The following SCFD2 variants were observed in gnomAD, a reference collection of about 807,000 sequenced individuals.
SCFD2 encodes the protein sec1 family domain containing 2.
SCFD2 carries 54 observed loss-of-function variants against 58.9 expected under a neutral mutation model. The ratio of observed to expected loss-of-function variants is 0.92; its 90% CI spans 0.74 to 1.15. The LOEUF (loss-of-function observed/expected upper bound fraction) is 1.15, where lower values mean the gene tolerates loss of function less well. Among genes scored for constraint, SCFD2 ranks in the 50% most tolerant of loss-of-function variants. The pLI is 0.00. For missense variants in SCFD2, 805 were observed against 836.6 expected (o/e 0.96, Z 0.47); for synonymous variants, 321 against 335.9 (o/e 0.96, Z 0.49).
At chr4:53,126,175 C>G (rs1481864002) in intron 5 of SCFD2, among the ~76,000 whole-genome samples, 1 of 152,182 alleles carries the variant, frequency 6.6e-6, no homozygotes, top group African/African-American at 2.4e-5. Context: ...ACACACCTTG[C>G]CTACTCTACT....
chr4:53,289,816 A>G (rs953564076), intron 3 of SCFD2, among the ~76,000 whole-genome samples: 6 of 152,282 alleles, frequency 3.9e-5, no homozygotes, highest in African/African-American at 1.2e-4. Flanking sequence ...TAACAACAAC[A>G]ACAAAAAAAG....
chr4:53,255,094 A>G (rs1243397385), intron 4 of SCFD2, among the ~76,000 whole-genome samples: 1 of 150,714 alleles, frequency 6.6e-6, no homozygotes, highest in Non-Finnish European at 1.5e-5. Flanking sequence ...GTTGGTCTCA[A>G]TCTCCTGATC....
chr4:53,028,307 G>A (rs1279858636), intron 5 of SCFD2, among the ~76,000 whole-genome samples: 1 of 152,006 alleles, frequency 6.6e-6, no homozygotes, highest in Non-Finnish European at 1.5e-5. Flanking sequence ...AATGCTTAAA[G>A]TTTTATTCTT....
At position 53,257,993 on chromosome 4, in the gene SCFD2, A is replaced by T. The variant is rs565921565; in HGVS notation, c.1311+15833T>A. Among the ~76,000 whole-genome samples, 7 of 152,218 alleles carry T rather than the reference A, an allele frequency of 4.6e-5. No individual in the cohort carries two copies. In the East Asian group the frequency reaches 1.4e-3, roughly 29 times the overall value. On this transcript the variant is annotated intron_variant, in intron 4 of 8. Transcript: ENST00000401642. Reference sequence around the variant, plus strand: ...TTGGCTGCAAGAGAAACTTAATAAGATTTAGGAAGTAGAAGGAAGGCTGAG... The same window carrying T: ...TTGGCTGCAAGAGAAACTTAATAAGTTTTAGGAAGTAGAAGGAAGGCTGAG...
chr4:52,962,196 C>T (rs1358984983), intron 5 of SCFD2, among the ~76,000 whole-genome samples: 1 of 152,164 alleles, frequency 6.6e-6, no homozygotes, highest in African/African-American at 2.4e-5. Context: ...GAGGTCCCAG[C>T]CAATTCTATG....
At chr4:53,234,336 G>C (rs1729529859) in intron 4 of SCFD2, among the ~76,000 whole-genome samples, 1 of 152,206 alleles carries the variant, frequency 6.6e-6, no homozygotes, top group South Asian at 2.1e-4. Flanking sequence ...CAAAGAACTT[G>C]AGGGAGGAGC....
At position 53,255,959 on chromosome 4, in the gene SCFD2, G is replaced by A. The variant is rs538377827; in HGVS notation, c.1311+17867C>T. On this transcript the variant is annotated intron_variant, in intron 4 of 8. Coordinates refer to ENST00000401642, the MANE Select transcript of SCFD2 (RefSeq NM_152540.4). ...CACCTCCCGGATGGGGTGGCTGGCC[G>A]GGTGGGGGGCTGACCCCCCCACCTC... is the stretch of plus-strand genomic sequence containing the variant. Among the ~76,000 whole-genome samples the A allele has an allele frequency of 2.0e-3, 299 of 149,080 alleles. 1 individual carries two copies. The highest frequency in any genetic ancestry group is 6.5e-3 in the African/African-American group (264 of 40,734).
At chr4:52,969,391 T>C (rs1030448759) in intron 5 of SCFD2, among the ~76,000 whole-genome samples, 1 of 152,172 alleles carries the variant, frequency 6.6e-6, no homozygotes, top group Non-Finnish European at 1.5e-5. Flanking sequence ...CAAATATCCA[T>C]TGGTAGGAAA....
intron 5 of SCFD2, among the ~76,000 whole-genome samples, chr4:52,978,307 T>C (rs1560500052): frequency 6.6e-6 from 1 of 152,204 alleles, no homozygotes; most frequent in South Asian, 2.1e-4. Flanking sequence ...TTCTGCAGGA[T>C]GCTGGCCCTG....
chr4:53,215,906 G>T (rs1290557791), intron 4 of SCFD2, among the ~76,000 whole-genome samples: 3 of 152,140 alleles, frequency 2.0e-5, no homozygotes, highest in African/African-American at 7.2e-5. Flanking sequence ...AGATAATCAT[G>T]TGGTTTTTGT....
chr4:53,154,151 C>T (rs1429797747), intron 4 of SCFD2, among the ~76,000 whole-genome samples: 2 of 152,162 alleles, frequency 1.3e-5, no homozygotes, highest in Admixed American at 6.5e-5. Context: ...TACCCCATTC[C>T]TCGTACCGAT....
At chr4:53,007,062 C>T (rs1721984479) in intron 5 of SCFD2, among the ~76,000 whole-genome samples, 1 of 151,906 alleles carries the variant, frequency 6.6e-6, no homozygotes, top group African/African-American at 2.4e-5. Context: ...GGGAGGACTG[C>T]CTGAGGTCTG....
At chr4:53,245,306 G>C (rs1273949168) in intron 4 of SCFD2, among the ~76,000 whole-genome samples, 1 of 152,102 alleles carries the variant, frequency 6.6e-6, no homozygotes, top group East Asian at 1.9e-4. Flanking sequence ...ATCAAAAAAA[G>C]GGGAAAACTT....
chr4:53,064,142 G>C (rs62338967), intron 5 of SCFD2, among the ~76,000 whole-genome samples: 25,301 of 151,548 alleles, frequency 0.17, 2,552 homozygotes, highest in Middle Eastern at 0.26. Context: ...TTTTATTTTA[G>C]ATTCAAAGGG....
intron 4 of SCFD2, among the ~76,000 whole-genome samples, chr4:53,155,411 G>A (rs1247345396): frequency 6.6e-6 from 1 of 152,092 alleles, no homozygotes; most frequent in African/African-American, 2.4e-5. Context: ...GCAGCAAAAA[G>A]GCCTCACCAA....
At chr4:53,298,574 G>C (rs949173007) in intron 3 of SCFD2, among the ~76,000 whole-genome samples, 1 of 152,186 alleles carries the variant, frequency 6.6e-6, no homozygotes, top group Admixed American at 6.5e-5. Flanking sequence ...ACATGTCCCT[G>C]TCTGACAGCT....
intron 4 of SCFD2, among the ~76,000 whole-genome samples, chr4:53,197,538 A>T (rs1379674565): frequency 6.6e-6 from 1 of 152,080 alleles, no homozygotes; most frequent in Non-Finnish European, 1.5e-5. Context: ...CTGCTTTCTT[A>T]CCACCTACCT....
At chr4:53,193,291 A>T (rs957597626) in intron 4 of SCFD2, among the ~76,000 whole-genome samples, 2 of 152,184 alleles carry the variant, frequency 1.3e-5, no homozygotes, top group African/African-American at 4.8e-5. Context: ...ATGTAACAGG[A>T]TTTCTTAAGT....
At chr4:53,054,148 C>T (rs151113342) in intron 5 of SCFD2, among the ~76,000 whole-genome samples, 7 of 152,214 alleles carry the variant, frequency 4.6e-5, no homozygotes, top group African/African-American at 1.7e-4. Context: ...TTCATGAGAT[C>T]CACATAAGCT....
Sources: gnomAD v4.1 joint callset for allele counts (sites outside exome capture counted in the v4.1 genomes callset) on GRCh38, gnomAD v4.1.1 for gene constraint, MANE v1.5 for transcripts, NCBI Gene and HGNC (gene_info 2026-07-23, HGNC 2026-07-21) for gene names.